ATP9B: variants seen among roughly 807,000 people sequenced by gnomAD.
ATP9B encodes the protein probable phospholipid-transporting ATPase IIB.
Under a neutral mutation model 146.1 loss-of-function variants are expected in ATP9B, and 110 were observed. The ratio of observed to expected loss-of-function variants is 0.75; its 90% CI spans 0.65 to 0.88. ATP9B has a LOEUF of 0.88. Among genes scored for constraint, ATP9B ranks in the 40% least tolerant of loss-of-function variants. The pLI, the probability that ATP9B is intolerant of heterozygous loss-of-function variation, is 0.00. For missense variants in ATP9B, 1,499 were observed against 1,496.4 expected (o/e 1.00, Z -0.03); for synonymous variants, 604 against 569.7 (o/e 1.06, Z -0.86).
At chr18:79,348,544 C>T (rs888500732) in intron 25 of ATP9B, among the ~76,000 whole-genome samples, 1 of 152,264 alleles carries the variant, frequency 6.6e-6, no homozygotes, top group East Asian at 1.9e-4. Context: ...CTGCCCTCCC[C>T]TGGCTGGGGC....
At chr18:79,344,723 G>A (rs1450630725) in intron 21 of ATP9B, among the ~76,000 whole-genome samples, 1 of 152,240 alleles carries the variant, frequency 6.6e-6, no homozygotes, top group Non-Finnish European at 1.5e-5. Flanking sequence ...TGAAAGCTGG[G>A]CTGGGTCGCA....
chr18:79,217,514 A>T (rs747214496), intron 11 of ATP9B, among the ~76,000 whole-genome samples: 14 of 152,258 alleles, frequency 9.2e-5, no homozygotes, highest in Non-Finnish European at 1.6e-4. Flanking sequence ...CAATTAAGAC[A>T]TAACATAACA....
intron 16 of ATP9B, 62 bp from the exon 17 acceptor site, chr18:79,329,950 C>A: frequency 7.2e-7 from 1 of 1,392,482 alleles, no homozygotes; most frequent in Non-Finnish European, 1.0e-6. Context: ...ATTAGACTAG[C>A]AGTTATTTGC....
Position 79,377,616 on chromosome 18 carries a change from C to G in ATP9B, c.*233C>G. The G allele has an allele frequency of 1.7e-6, 1 of 576,478 alleles. No homozygotes were observed. Among genetic ancestry groups the G allele is most frequent in the South Asian group, 2.1e-5 (1 of 47,500 alleles). 35.7% of individuals were successfully genotyped at this position (576,478 alleles called of 1,614,324 possible). A position where few individuals can be genotyped will look rare whatever the true frequency, so the allele number is the denominator to read the frequency against. On this transcript the variant is annotated 3_prime_UTR_variant, in exon 30 of 30. Transcript: ENST00000426216. ...GCACAGATGCCAGGATGGCTTCTCCCTCTCAGTGCGAGGCTTCACCCCTGC... is the reference window on the plus strand; with the variant it reads ...GCACAGATGCCAGGATGGCTTCTCCGTCTCAGTGCGAGGCTTCACCCCTGC...
chr18:79,166,425 A>G (rs749601434), intron 7 of ATP9B, among the ~76,000 whole-genome samples: 15 of 151,926 alleles, frequency 9.9e-5, no homozygotes, highest in Non-Finnish European at 2.2e-4. Context: ...CTTACCTACA[A>G]CCTCTGAGCT....
chr18:79,274,668 C>T (rs2096288561), intron 12 of ATP9B, among the ~76,000 whole-genome samples: 1 of 152,112 alleles, frequency 6.6e-6, no homozygotes, highest in South Asian at 2.1e-4. Flanking sequence ...TAATTGAAGT[C>T]AGGTGTAGTT....
chr18:79,281,802 T>C (rs1323962827), intron 13 of ATP9B, among the ~76,000 whole-genome samples: 1 of 152,164 alleles, frequency 6.6e-6, no homozygotes, highest in East Asian at 1.9e-4. Flanking sequence ...GGCAGGCGGA[T>C]CACCGGAGGT....
At chr18:79,327,566 G>C (rs1477036026) in intron 15 of ATP9B, among the ~76,000 whole-genome samples, 33 of 119,840 alleles carry the variant, frequency 2.8e-4, no homozygotes, top group Middle Eastern at 4.4e-3. Flanking sequence ...CGTGCTCTCC[G>C]TGGTTAGCGT....
chr18:79,233,062 TG>T (rs2095806976), intron 11 of ATP9B, among the ~76,000 whole-genome samples: 1 of 151,944 alleles, frequency 6.6e-6, no homozygotes, highest in Non-Finnish European at 1.5e-5. Context: ...GAGTTCAAGG[TG>T]GGCAGATTGC....
intron 13 of ATP9B, among the ~76,000 whole-genome samples, chr18:79,301,748 A>G (rs1486744899): frequency 2.0e-5 from 3 of 152,222 alleles, no homozygotes; most frequent in Non-Finnish European, 4.4e-5. Context: ...GTGCTTCATA[A>G]AACTTTGTGG....
chr18:79,237,576 T>C (rs989499029), intron 11 of ATP9B, among the ~76,000 whole-genome samples: 1 of 152,252 alleles, frequency 6.6e-6, no homozygotes, highest in Non-Finnish European at 1.5e-5. Flanking sequence ...AGTCTTTTAG[T>C]CAACGAATAT....
At chr18:79,164,169 C>T (rs2147784615) in intron 7 of ATP9B, among the ~76,000 whole-genome samples, 2 of 152,286 alleles carry the variant, frequency 1.3e-5, no homozygotes, top group Admixed American at 1.3e-4. Context: ...AAGCCATTCT[C>T]ACGTCTTGGT....
At chr18:79,310,871 C>CTGGACATTT (rs2096648831) in intron 15 of ATP9B, among the ~76,000 whole-genome samples, 1 of 152,024 alleles carries the variant, frequency 6.6e-6, no homozygotes, top group Non-Finnish European at 1.5e-5. Context: ...TGGGCTGGGG[C>CTGGACATTT]CAGGCATGGT....
intron 1 of ATP9B, among the ~76,000 whole-genome samples, chr18:79,078,583 G>C (rs975365674): frequency 6.7e-6 from 1 of 150,218 alleles, no homozygotes; most frequent in African/African-American, 2.4e-5. Context: ...TTTTAAAATT[G>C]CTTCATTTAC....
intron 8 of ATP9B, among the ~76,000 whole-genome samples, chr18:79,183,065 C>T (rs1165918354): frequency 6.6e-6 from 1 of 152,152 alleles, no homozygotes; most frequent in African/African-American, 2.4e-5. Context: ...CTTCCCCTAG[C>T]CACATTCTTG....
intron 15 of ATP9B, among the ~76,000 whole-genome samples, chr18:79,327,508 CT>C (rs1346940546): frequency 1.5e-4 from 22 of 148,612 alleles, no homozygotes; most frequent in African/African-American, 5.0e-4. Flanking sequence ...AGTGTGCTCT[CT>C]CCATGGTTAG....
At chr18:79,185,109 G>A (rs1251075858) in intron 8 of ATP9B, among the ~76,000 whole-genome samples, 1 of 152,126 alleles carries the variant, frequency 6.6e-6, no homozygotes, top group Non-Finnish European at 1.5e-5. Context: ...GGGTTGCATG[G>A]GGGCACGGGG....
chr18:79,310,135 CT>C (rs1196646636), intron 15 of ATP9B, among the ~76,000 whole-genome samples: 2 of 152,254 alleles, frequency 1.3e-5, no homozygotes, highest in African/African-American at 4.8e-5. Context: ...GAGAGAGCCT[CT>C]TTCCCTGGTG....
chr18:79,210,678 G>A (rs2095576084), intron 10 of ATP9B, among the ~76,000 whole-genome samples: 1 of 152,230 alleles, frequency 6.6e-6, no homozygotes, highest in Non-Finnish European at 1.5e-5. Flanking sequence ...ATCGGGTCCA[G>A]CCCGGGAGCG....
Sources: gnomAD v4.1 joint callset for allele counts (sites outside exome capture counted in the v4.1 genomes callset) on GRCh38, gnomAD v4.1.1 for gene constraint, MANE v1.5 for transcripts, NCBI Gene and HGNC (gene_info 2026-07-23, HGNC 2026-07-21) for gene names.